Variants in PRKN observed in about 807,000 individuals in gnomAD.
PRKN encodes the protein parkin RBR E3 ubiquitin protein ligase.
Under a neutral mutation model 59.5 loss-of-function variants are expected in PRKN, and 56 were observed. That is an observed-to-expected ratio of 0.94 (90% CI 0.76 to 1.18). The LOEUF is 1.18. PRKN is among the 50% of genes most tolerant of loss of function. The probability of loss-of-function intolerance (pLI) is 0.00; values close to 1 mark genes in which losing one functional copy is unlikely to be tolerated. For missense variants in PRKN, 657 were observed against 596.4 expected (o/e 1.10, Z -1.06); for synonymous variants, 250 against 222.1 (o/e 1.13, Z -1.12).
chr6:162,420,245 T>C (rs1337974273), intron 2 of PRKN, among the ~76,000 whole-genome samples: 4 of 124,248 alleles, frequency 3.2e-5, no homozygotes, highest in African/African-American at 6.4e-5. Flanking sequence ...ATTCTTCACA[T>C]GTACATTTCA....
chr6:161,500,190 T>C (rs1028478052), intron 9 of PRKN, among the ~76,000 whole-genome samples: 2 of 152,228 alleles, frequency 1.3e-5, no homozygotes, highest in Non-Finnish European at 2.9e-5. Flanking sequence ...ACGGCAAAAT[T>C]GAGCAGAGTA....
intron 7 of PRKN, among the ~76,000 whole-genome samples, chr6:161,735,147 A>G (rs993304914): frequency 6.6e-6 from 1 of 151,948 alleles, no homozygotes; most frequent in Non-Finnish European, 1.5e-5. Flanking sequence ...CAAGAGTTTG[A>G]GACCAGTCTG....
intron 9 of PRKN, among the ~76,000 whole-genome samples, chr6:161,540,876 C>A (rs1779592346): frequency 6.6e-6 from 1 of 152,234 alleles, no homozygotes; most frequent in Non-Finnish European, 1.5e-5. Flanking sequence ...CTCTGCTCCA[C>A]CTCTCTGTAC....
intron 4 of PRKN, among the ~76,000 whole-genome samples, chr6:162,074,813 T>G (rs1184678563): frequency 1.3e-5 from 2 of 152,096 alleles, no homozygotes; most frequent in Non-Finnish European, 2.9e-5. Context: ...CGTTTCCCCC[T>G]TCACAACTTC....
At chr6:161,741,712 C>T (rs1788192713) in intron 7 of PRKN, among the ~76,000 whole-genome samples, 1 of 151,280 alleles carries the variant, frequency 6.6e-6, no homozygotes, top group Non-Finnish European at 1.5e-5. Context: ...TTGCATTCAA[C>T]CTCTTTGTCT....
chr6:161,959,033 T>C (rs572168949), intron 6 of PRKN, among the ~76,000 whole-genome samples: 2 of 152,334 alleles, frequency 1.3e-5, no homozygotes, highest in East Asian at 3.9e-4. Flanking sequence ...CAGCAGTCAC[T>C]GGAATAAGTT....
chr6:161,739,710 C>T (rs1006513284), intron 7 of PRKN, among the ~76,000 whole-genome samples: 2 of 152,086 alleles, frequency 1.3e-5, no homozygotes, highest in Non-Finnish European at 1.5e-5. Flanking sequence ...CTCTGTACCT[C>T]TGTCTTTTTT....
chr6:161,753,358 T>G (rs945040059), intron 7 of PRKN, among the ~76,000 whole-genome samples: 20 of 152,012 alleles, frequency 1.3e-4, no homozygotes, highest in African/African-American at 4.8e-4. Flanking sequence ...AGTGTTACTA[T>G]CATTTGGCAT....
At chr6:162,527,182 A>G (rs1331523529) in intron 1 of PRKN, among the ~76,000 whole-genome samples, 2 of 152,206 alleles carry the variant, frequency 1.3e-5, no homozygotes, top group Non-Finnish European at 2.9e-5. Flanking sequence ...TTCAGAGGGC[A>G]GTTTCTAGCA....
chr6:162,567,665 A>T (rs1164724526), intron 1 of PRKN, among the ~76,000 whole-genome samples: 1 of 152,208 alleles, frequency 6.6e-6, no homozygotes. Context: ...GATAAAATCC[A>T]ATATTGTTAA....
intron 6 of PRKN, among the ~76,000 whole-genome samples, chr6:161,827,311 C>A (rs1206636166): frequency 1.3e-5 from 2 of 152,024 alleles, no homozygotes; most frequent in African/African-American, 4.8e-5. Flanking sequence ...CTGAGATTTC[C>A]CAATGGGTTT....
At chr6:162,421,811 C>T (rs1329938110) in intron 2 of PRKN, among the ~76,000 whole-genome samples, 1 of 151,904 alleles carries the variant, frequency 6.6e-6, no homozygotes, top group African/African-American at 2.4e-5. Context: ...TAATATAATG[C>T]AATATAAAAT....
chr6:161,591,701 T>C (rs1781732628), intron 7 of PRKN, among the ~76,000 whole-genome samples: 1 of 152,238 alleles, frequency 6.6e-6, no homozygotes, highest in African/African-American at 2.4e-5. Context: ...AATAGTGTTA[T>C]GAATGGAGTC....
intron 4 of PRKN, among the ~76,000 whole-genome samples, chr6:162,095,551 T>C (rs940731803): frequency 5.3e-5 from 8 of 152,218 alleles, no homozygotes; most frequent in African/African-American, 1.9e-4. Context: ...CCTATTAATT[T>C]AAGTAATAAT....
At chr6:161,611,837 A>G (rs904047581) in intron 7 of PRKN, among the ~76,000 whole-genome samples, 10 of 152,238 alleles carry the variant, frequency 6.6e-5, no homozygotes, top group African/African-American at 2.4e-4. Flanking sequence ...CTCTTGCACC[A>G]AACAGCTAGC....
intron 8 of PRKN, among the ~76,000 whole-genome samples, chr6:161,556,277 C>T (rs1454735863): frequency 1.3e-5 from 2 of 152,072 alleles, no homozygotes; most frequent in Non-Finnish European, 2.9e-5. Context: ...TTAACATATG[C>T]GCCTGGGAAT....
chr6:161,916,252 A>G (rs1034844623), intron 6 of PRKN, among the ~76,000 whole-genome samples: 2 of 152,222 alleles, frequency 1.3e-5, no homozygotes, highest in Admixed American at 6.5e-5. Context: ...TAAGTGATTG[A>G]GAGAAAATCT....
intron 7 of PRKN, among the ~76,000 whole-genome samples, chr6:161,689,486 A>T (rs1238301873): frequency 6.6e-6 from 1 of 152,160 alleles, no homozygotes; most frequent in Non-Finnish European, 1.5e-5. Context: ...GGACTGTCAA[A>T]ACCTTTTAAA....
intron 1 of PRKN, among the ~76,000 whole-genome samples, chr6:162,552,418 A>G (rs1322706968): frequency 2.0e-5 from 3 of 152,116 alleles, no homozygotes; most frequent in Non-Finnish European, 2.9e-5. Flanking sequence ...GCAATGGAAG[A>G]TGTACTCTGG....
Sources: gnomAD v4.1 joint callset for allele counts (sites outside exome capture counted in the v4.1 genomes callset) on GRCh38, gnomAD v4.1.1 for gene constraint, MANE v1.5 for transcripts, NCBI Gene and HGNC (gene_info 2026-07-23, HGNC 2026-07-21) for gene names.